ANXA4: variants seen among roughly 807,000 people sequenced by gnomAD.
ANXA4 encodes 35-beta calcimedin.
In ANXA4, 39 loss-of-function variants were observed where a neutral mutation model predicts 49.8. The observed-to-expected ratio is 0.78, with a 90% CI of 0.61 to 1.02. ANXA4 has a LOEUF of 1.02. Among genes scored for constraint, ANXA4 ranks in the 50% least tolerant of loss-of-function variants. The pLI is 0.00. For missense variants in ANXA4, 360 were observed against 410.1 expected (o/e 0.88, Z 1.05); for synonymous variants, 134 against 152.5 (o/e 0.88, Z 0.89).
intron 2 of ANXA4, among the ~76,000 whole-genome samples, chr2:69,671,885 C>G (rs1037549472): frequency 6.6e-5 from 10 of 152,282 alleles, no homozygotes; most frequent in Middle Eastern, 3.4e-3. Context: ...TGTGGAGCAA[C>G]TAGAACTCTC....
chr2:69,738,065 A>G (rs1343534898), upstream of ANXA4, among the ~76,000 whole-genome samples: 7 of 152,196 alleles, frequency 4.6e-5, no homozygotes, highest in Non-Finnish European at 2.9e-5. Context: ...ATTTGGACAT[A>G]CTTATAGTAC....
At position 69,807,086 on chromosome 2, in the gene ANXA4, C is replaced by T. The variant is rs548281725; in HGVS notation, c.306+588C>T. ...AGTATAGGAGATTTTCCTTCATTTACGACAACTTGAAAACATCATTACTTT... is the reference window on the plus strand; with the variant it reads ...AGTATAGGAGATTTTCCTTCATTTATGACAACTTGAAAACATCATTACTTT... On this transcript the variant is annotated intron_variant, in intron 5 of 12. Transcript: ENST00000394295. 7.9e-5 allele frequency among the ~76,000 whole-genome samples: 12 copies of T among 152,238 alleles called. 1 individual carries two copies. Among genetic ancestry groups the T allele is most frequent in the Non-Finnish European group, 1.6e-4 (11 of 68,008 alleles).
intron 2 of ANXA4, among the ~76,000 whole-genome samples, chr2:69,654,296 C>T (rs980449497): frequency 1.3e-5 from 2 of 152,116 alleles, no homozygotes; most frequent in African/African-American, 4.8e-5. Context: ...TGCCTGATTG[C>T]CCTGGCCAGA....
chr2:69,688,522 G>C (rs1314502631), intron 2 of ANXA4, among the ~76,000 whole-genome samples: 1 of 152,248 alleles, frequency 6.6e-6, no homozygotes, highest in African/African-American at 2.4e-5. Context: ...TTATTAGCTG[G>C]AATACTTTTA....
chr2:69,718,937 T>C (rs563222761), intron 2 of ANXA4, among the ~76,000 whole-genome samples: 1 of 151,836 alleles, frequency 6.6e-6, no homozygotes, highest in South Asian at 2.1e-4. Flanking sequence ...GAGTCTCTTA[T>C]AAAGCTTTTC....
At chr2:69,775,675 G>A (rs1291383652) in intron 1 of ANXA4, among the ~76,000 whole-genome samples, 4 of 152,178 alleles carry the variant, frequency 2.6e-5, no homozygotes, top group Non-Finnish European at 5.9e-5. Flanking sequence ...TATAGGAGAG[G>A]CTTTTCTAGC....
intron 2 of ANXA4, among the ~76,000 whole-genome samples, chr2:69,701,502 C>T (rs1276811259): frequency 6.6e-6 from 1 of 152,208 alleles, no homozygotes; most frequent in Admixed American, 6.5e-5. Flanking sequence ...GCGTAACGTC[C>T]TCAAGGTTCA....
intron 1 of ANXA4, among the ~76,000 whole-genome samples, chr2:69,765,001 C>T (rs1478683310): frequency 6.6e-6 from 1 of 152,100 alleles, no homozygotes; most frequent in Non-Finnish European, 1.5e-5. Flanking sequence ...AGTGTTATAG[C>T]ATGTGGCAGA....
chr2:69,669,913 C>T (rs1215377023), intron 2 of ANXA4, among the ~76,000 whole-genome samples: 2 of 152,128 alleles, frequency 1.3e-5, no homozygotes, highest in Admixed American at 6.5e-5. Context: ...CTGATAAGTG[C>T]CCAGCAGACT....
intron 2 of ANXA4, among the ~76,000 whole-genome samples, chr2:69,694,311 A>G (rs1678080751): frequency 6.6e-6 from 1 of 151,978 alleles, no homozygotes; most frequent in African/African-American, 2.4e-5. Context: ...CCCTCACCAG[A>G]TACCACATCC....
intron 2 of ANXA4, among the ~76,000 whole-genome samples, chr2:69,664,347 GT>G (rs370028724): frequency 6.6e-6 from 1 of 152,100 alleles, no homozygotes; most frequent in Admixed American, 6.6e-5. Context: ...TTGTGTGTGT[GT>G]TTTTTTAAAT....
intron 1 of ANXA4, among the ~76,000 whole-genome samples, chr2:69,779,908 G>A (rs768419007): frequency 6.6e-6 from 1 of 152,160 alleles, no homozygotes; most frequent in African/African-American, 2.4e-5. Context: ...GGACTAGTTG[G>A]TTCTCCCCTT....
chr2:69,800,726 G>A (rs964399476), intron 3 of ANXA4, among the ~76,000 whole-genome samples: 4 of 152,146 alleles, frequency 2.6e-5, no homozygotes, highest in Admixed American at 6.5e-5. Flanking sequence ...TGGCATGTGC[G>A]GAGGTCTAGG....
At chr2:69,749,464 A>G (rs946176366) in intron 1 of ANXA4, among the ~76,000 whole-genome samples, 2 of 152,168 alleles carry the variant, frequency 1.3e-5, no homozygotes, top group Admixed American at 6.5e-5. Context: ...GCAAAATAGT[A>G]GAAACAACCT....
Position 69,819,281 on chromosome 2 carries a change from A to G in ANXA4, c.726A>G (p.Val242=), listed in dbSNP as rs1383654835. 6.3e-7 allele frequency: 1 copy of G among 1,599,924 alleles called. No individual in the cohort carries two copies. Among genetic ancestry groups the G allele is most frequent in the Admixed American group, 1.7e-5 (1 of 58,740 alleles). Reference sequence around the variant, plus strand: ...TTCTTCTTTTTTTTTCTTTGACAGTAAAGTGCATGAGGAACAAATCTGCAT... The same window carrying G: ...TTCTTCTTTTTTTTTCTTTGACAGTGAAGTGCATGAGGAACAAATCTGCAT... ...GSFEDALLAI[V]KCMRNKSAYF... The change falls in exon 11 of 13, where the codon GTA becomes GTG. Residue 242 remains valine (V), a splice_region_variant and synonymous_variant. Coordinates refer to ENST00000394295, the MANE Select transcript of ANXA4 (RefSeq NM_001153.5).
At chr2:69,798,987 G>A (rs1482203343) in intron 3 of ANXA4, among the ~76,000 whole-genome samples, 2 of 152,118 alleles carry the variant, frequency 1.3e-5, no homozygotes, top group African/African-American at 2.4e-5. Flanking sequence ...GAGGGGTCCC[G>A]AGCAGGTTGC....
At chr2:69,808,158 T>C in intron 6 of ANXA4, 162 bp downstream of exon 6, 1 of 650,824 alleles carries the variant, frequency 1.5e-6, no homozygotes, top group South Asian at 1.9e-5. Flanking sequence ...TTTAGCCAAA[T>C]GGCGGTCTGT....
At chr2:69,646,806 C>T (rs1032070778) in intron 1 of ANXA4, among the ~76,000 whole-genome samples, 2 of 152,218 alleles carry the variant, frequency 1.3e-5, no homozygotes, top group African/African-American at 2.4e-5. Flanking sequence ...TTGTAGCTCA[C>T]TGACCACTAG....
chr2:69,719,080 G>T (rs1669746778), intron 2 of ANXA4, among the ~76,000 whole-genome samples: 1 of 150,206 alleles, frequency 6.7e-6, no homozygotes, highest in African/African-American at 2.5e-5. Context: ...AGGTTCAAGT[G>T]ATTCTCCTGC....
Sources: allele counts gnomAD v4.1 joint callset (sites outside exome capture counted in the v4.1 genomes callset), GRCh38; gene constraint gnomAD v4.1.1; transcripts MANE v1.5; gene names NCBI Gene and HGNC (gene_info 2026-07-23, HGNC 2026-07-21).